Variants in ANK3 observed in about 807,000 individuals in gnomAD.
The protein encoded by ANK3 is ankyrin 3, also known as ankyrin-3.
ANK3 carries 57 observed loss-of-function variants against 370.9 expected under a neutral mutation model. The ratio of observed to expected loss-of-function variants is 0.15; its 90% CI spans 0.12 to 0.19. The LOEUF (loss-of-function observed/expected upper bound fraction) is 0.19, where lower values mean the gene tolerates loss of function less well. ANK3 is among the 10% of genes least tolerant of loss of function. The pLI is 1.00. For missense variants in ANK3, 4,439 were observed against 5,302.1 expected (o/e 0.84, Z 5.06); for synonymous variants, 1,929 against 1,946.3 (o/e 0.99, Z 0.23).
chr10:60,063,359 G>T, intron 39 of ANK3, 105 bp from the exon 40 acceptor site: 2 of 1,137,688 alleles, frequency 1.8e-6, no homozygotes, highest in South Asian at 1.7e-5. Flanking sequence ...TGACATTTTA[G>T]CTCCTTCTTA....
intron 2 of ANK3, among the ~76,000 whole-genome samples, chr10:60,484,973 A>G (rs1330851653): frequency 6.6e-6 from 1 of 152,216 alleles, no homozygotes; most frequent in Non-Finnish European, 1.5e-5. Context: ...CATTGATATA[A>G]TTAAATCCGA....
upstream of ANK3, among the ~76,000 whole-genome samples, chr10:60,394,619 G>A (rs117026052): frequency 8.6e-3 from 1,312 of 152,238 alleles, 8 homozygotes; most frequent in South Asian, 0.03. Context: ...CACCCACACT[G>A]GCCTGCAGAG....
chr10:60,488,072 C>T (rs546566385), intron 2 of ANK3, among the ~76,000 whole-genome samples: 33 of 152,002 alleles, frequency 2.2e-4, no homozygotes, highest in Admixed American at 1.8e-3. Context: ...AGGTTGAGTG[C>T]TTTTTCTACT....
chr10:60,642,117 A>C (rs2078642127), intron 1 of ANK3, among the ~76,000 whole-genome samples: 1 of 149,138 alleles, frequency 6.7e-6, no homozygotes, highest in Non-Finnish European at 1.5e-5. Flanking sequence ...GCAATCATTA[A>C]AAAGTCAGGA....
chr10:60,186,891 T>C lies in ANK3; in HGVS notation c.1909A>G (p.Ile637Val), dbSNP rs1460565138. ...AAKNGYTPLHIAAKKNQMDIA... is the reference protein window; with the variant it reads ...AAKNGYTPLHVAAKKNQMDIA... ...TCCATCTGGTTCTTTTTGGCAGCGA[T>C]GTGCAGTGGCGTATAACCATTCTGT... The change falls in exon 17 of 44, where the codon ATC becomes GTC. Residue 637 changes from isoleucine to valine, a missense_variant. Physicochemically the swap from Ile to Val is conservative, Grantham distance 29. This residue lies in a region of ANK3 where 192 missense variants were observed against 192.1 expected (regional missense o/e 1.00). Transcript: ENST00000280772. 2 of 1,614,158 alleles carry C rather than the reference T, an allele frequency of 1.2e-6. No homozygotes were observed. The highest frequency in any genetic ancestry group is 1.7e-6 in the Non-Finnish European group (2 of 1,180,018).
chr10:60,099,992 A>G (rs570085959), intron 28 of ANK3, among the ~76,000 whole-genome samples: 1 of 152,256 alleles, frequency 6.6e-6, no homozygotes, highest in South Asian at 2.1e-4. Flanking sequence ...TTGATCCACT[A>G]ATGTTTCATA....
intron 16 of ANK3, among the ~76,000 whole-genome samples, chr10:60,192,523 A>C (rs1414879944): frequency 2.0e-5 from 3 of 152,078 alleles, no homozygotes; most frequent in African/African-American, 7.2e-5. Flanking sequence ...TCAGCTATAA[A>C]AAAGAATAAA....
chr10:60,244,590 C>T (rs2097525126), intron 7 of ANK3, among the ~76,000 whole-genome samples: 1 of 152,182 alleles, frequency 6.6e-6, no homozygotes, highest in Non-Finnish European at 1.5e-5. Flanking sequence ...GTGTGATTTA[C>T]ATTTAAAACA....
intron 8 of ANK3, among the ~76,000 whole-genome samples, chr10:60,215,238 T>C (rs993779354): frequency 4.6e-5 from 7 of 152,094 alleles, no homozygotes. Flanking sequence ...GTTTAAGTTC[T>C]TTGTAGATTC....
rs577535305 is a variant in ANK3 at position 60,582,077 on chromosome 10, C to T, written c.96+33109G>A. On this transcript the variant is annotated intron_variant, in intron 2 of 43. Transcript: ENST00000373827. ...ATAAGTGGGAGTTCAACAATGAGAA[C>T]GCATGGACACAGGGAGGGGAACATC... Among the ~76,000 whole-genome samples, 5 of 152,056 alleles carry T rather than the reference C, an allele frequency of 3.3e-5. No homozygotes were observed. In the South Asian group the frequency reaches 6.2e-4, roughly 19 times the overall value.
intron 2 of ANK3, among the ~76,000 whole-genome samples, chr10:60,605,782 A>G (rs1481069972): frequency 6.6e-6 from 1 of 152,192 alleles, no homozygotes; most frequent in Non-Finnish European, 1.5e-5. Context: ...CAGTTTGTTT[A>G]TCTATAAACT....
In ANK3 at chr10:60,132,912, A is replaced by G. The variant is rs1474157366; in HGVS notation, c.2841+1359T>C. On this transcript the variant is annotated intron_variant, in intron 25 of 43. Transcript: ENST00000280772. ...ATTACAGGTGTGACCCACCATGCCC[A>G]GCCTATAATCATTTTTAATAGAGTT... 2.0e-5 allele frequency among the ~76,000 whole-genome samples: 3 copies of G among 152,160 alleles called. No individual in the cohort carries two copies. The East Asian group carries it at 5.8e-4, about 29-fold the overall frequency.
chr10:60,228,002 G>A (rs1238366652), intron 8 of ANK3, among the ~76,000 whole-genome samples: 1 of 152,060 alleles, frequency 6.6e-6, no homozygotes, highest in African/African-American at 2.4e-5. Context: ...CAGCAGCTTG[G>A]TTTTGTCCAG....
chr10:60,120,281 C>G (rs1565140143), intron 25 of ANK3, among the ~76,000 whole-genome samples: 1 of 152,014 alleles, frequency 6.6e-6, no homozygotes, highest in Admixed American at 6.6e-5. Flanking sequence ...TGAAACTAGG[C>G]CCCTATCTCT....
At chr10:60,556,945 T>G (rs1030455607) in intron 2 of ANK3, among the ~76,000 whole-genome samples, 21 of 152,298 alleles carry the variant, frequency 1.4e-4, no homozygotes, top group African/African-American at 5.1e-4. Context: ...TGTTGTGAAC[T>G]GTGCAAGCGA....
At chr10:60,553,310 G>A (rs1156842167) in intron 2 of ANK3, among the ~76,000 whole-genome samples, 5 of 152,068 alleles carry the variant, frequency 3.3e-5, no homozygotes, top group African/African-American at 7.2e-5. Flanking sequence ...GTGAAAAAAC[G>A]AAGAAAACAC....
chr10:60,163,154 CT>C (rs1365584646), intron 23 of ANK3, among the ~76,000 whole-genome samples: 1 of 152,110 alleles, frequency 6.6e-6, no homozygotes, highest in Non-Finnish European at 1.5e-5. Context: ...TACACACACT[CT>C]TTCATATTTT....
At chr10:60,469,957 C>G (rs72807913) in intron 2 of ANK3, among the ~76,000 whole-genome samples, 7 of 151,928 alleles carry the variant, frequency 4.6e-5, no homozygotes, top group Non-Finnish European at 1.0e-4. Flanking sequence ...TCAAAGATAA[C>G]TTCTATAATA....
intron 2 of ANK3, among the ~76,000 whole-genome samples, chr10:60,458,920 T>A (rs1595072273): frequency 1.3e-5 from 2 of 152,044 alleles, no homozygotes; most frequent in African/African-American, 4.8e-5. Context: ...GCATCACCTT[T>A]AAAAAAAGAG....
Sources: allele counts gnomAD v4.1 joint callset (sites outside exome capture counted in the v4.1 genomes callset), GRCh38; gene constraint gnomAD v4.1.1; regional missense constraint gnomAD v4.1.1; transcripts MANE v1.5; gene names NCBI Gene and HGNC (gene_info 2026-07-23, HGNC 2026-07-21).